Variants in KCNN2 observed in about 807,000 individuals in gnomAD.
KCNN2 encodes the protein small conductance calcium-activated potassium channel protein 2.
A neutral mutation model predicts 55.5 loss-of-function variants in KCNN2; 24 were observed. The observed-to-expected ratio is 0.43, with a 90% CI of 0.31 to 0.61. The LOEUF is 0.61. Ranked by LOEUF, KCNN2 falls within the 20% of genes least tolerant of loss-of-function variation. The pLI is 0.08. For missense variants in KCNN2, 754 were observed against 853.6 expected, an observed-to-expected ratio of 0.88 and a Z score of 1.45; for synonymous variants, 431 against 336.1, an observed-to-expected ratio of 1.28 and a Z score of -3.09.
chr5:114,210,915 A>T (rs1409749867), intron 1 of KCNN2, among the ~76,000 whole-genome samples: 4 of 152,196 alleles, frequency 2.6e-5, no homozygotes, highest in Admixed American at 2.6e-4. Context: ...GTGTTACAGA[A>T]CAGACACTTT....
At chr5:114,312,462 T>C (rs1266497936) in intron 2 of KCNN2, among the ~76,000 whole-genome samples, 58 of 112,640 alleles carry the variant, frequency 5.1e-4, no homozygotes, top group African/African-American at 1.9e-3. Context: ...TATATATATA[T>C]ATATATATAT....
chr5:114,070,927 C>A (rs1750555478), intron 1 of KCNN2, among the ~76,000 whole-genome samples: 1 of 152,112 alleles, frequency 6.6e-6, no homozygotes. Context: ...TCACTTACTT[C>A]TTCACAATTT....
intron 3 of KCNN2, among the ~76,000 whole-genome samples, chr5:114,418,229 G>A (rs1283765382): frequency 6.6e-6 from 1 of 152,190 alleles, no homozygotes; most frequent in Non-Finnish European, 1.5e-5. Flanking sequence ...GTTAACAAAG[G>A]TTAATAAGGA....
At position 114,158,187 on chromosome 5, in the gene KCNN2, G is replaced by A. The variant is rs551298936; in HGVS notation, c.-270-63293G>A. 3.6e-3 allele frequency among the ~76,000 whole-genome samples: 545 copies of A among 151,902 alleles called. 1 individual carries two copies. The highest frequency in any genetic ancestry group is 0.01 in the Middle Eastern group (3 of 292). ...TCTTGAATTAATTTTTGTATAAGGT[G>A]TAAGGAAGGGATCCAGTTTCAGCTT... On this transcript the variant is annotated intron_variant, in intron 1 of 10. Coordinates refer to the KCNN2 transcript ENST00000512097.
At chr5:114,088,314 A>G (rs1580500558) in intron 1 of KCNN2, among the ~76,000 whole-genome samples, 1 of 151,230 alleles carries the variant, frequency 6.6e-6, no homozygotes, top group Admixed American at 6.6e-5. Context: ...TTCATCATTT[A>G]TTCTCAAAAA....
chr5:114,493,071 A>G (rs544227356), intron 6 of KCNN2, among the ~76,000 whole-genome samples: 3 of 152,230 alleles, frequency 2.0e-5, no homozygotes, highest in East Asian at 1.9e-4. Flanking sequence ...TCCTATGTCT[A>G]TGTGTCATGA....
At chr5:114,162,095 C>T (rs1038912333) in intron 1 of KCNN2, among the ~76,000 whole-genome samples, 75 of 152,248 alleles carry the variant, frequency 4.9e-4, no homozygotes, top group African/African-American at 3.9e-4. Context: ...TTAGAGTTTC[C>T]GGTTTTTCTG....
intron 1 of KCNN2, among the ~76,000 whole-genome samples, chr5:114,089,578 G>A (rs1751093470): frequency 6.6e-6 from 1 of 152,174 alleles, no homozygotes; most frequent in Non-Finnish European, 1.5e-5. Context: ...TTTATAGAAT[G>A]CTTTTCTTGT....
At chr5:114,201,589 C>G (rs1333887493) in intron 1 of KCNN2, among the ~76,000 whole-genome samples, 1 of 152,128 alleles carries the variant, frequency 6.6e-6, no homozygotes, top group African/African-American at 2.4e-5. Flanking sequence ...CCCTGTCCCT[C>G]CTTGACCAAG....
intron 2 of KCNN2, among the ~76,000 whole-genome samples, chr5:114,319,387 C>A (rs1474184456): frequency 6.6e-6 from 1 of 152,108 alleles, no homozygotes; most frequent in Admixed American, 6.5e-5. Context: ...CAGTTCATAC[C>A]CAGCCTTTGG....
At chr5:114,317,049 T>C (rs1461719332) in intron 2 of KCNN2, among the ~76,000 whole-genome samples, 1 of 152,226 alleles carries the variant, frequency 6.6e-6, no homozygotes, top group African/African-American at 2.4e-5. Context: ...CTTGCAGCTT[T>C]TTCCCAGATT....
intron 2 of KCNN2, among the ~76,000 whole-genome samples, chr5:114,260,363 T>A (rs1215469159): frequency 1.3e-5 from 2 of 152,216 alleles, no homozygotes; most frequent in Non-Finnish European, 2.9e-5. Flanking sequence ...GCTCTATACC[T>A]CAGCCTCATT....
intron 3 of KCNN2, among the ~76,000 whole-genome samples, chr5:114,418,850 C>T (rs1204177297): frequency 6.6e-6 from 1 of 152,128 alleles, no homozygotes; most frequent in Non-Finnish European, 1.5e-5. Context: ...ATGCTGCTCA[C>T]TAAGGTCTGC....
chr5:114,169,121 T>C (rs1752978986), intron 1 of KCNN2, among the ~76,000 whole-genome samples: 1 of 152,138 alleles, frequency 6.6e-6, no homozygotes, highest in Non-Finnish European at 1.5e-5. Context: ...GATTTTAAGT[T>C]TCCTGAGGCC....
rs191320703 is a variant in KCNN2, at chr5:114,176,097, C to A, written c.-270-45383C>A. On this transcript the variant is annotated intron_variant, in intron 1 of 10. Transcript: ENST00000512097. Reference sequence around the variant, plus strand: ...GTAGACCAGTGTTTCTTGACCTCAGCACTGATGACATTTTCAGCTGGATAA... The same window carrying A: ...GTAGACCAGTGTTTCTTGACCTCAGAACTGATGACATTTTCAGCTGGATAA... Among the ~76,000 whole-genome samples, 9 of 152,316 alleles carry A rather than the reference C, an allele frequency of 5.9e-5. 1 individual carries two copies. Among genetic ancestry groups the A allele is most frequent in the Admixed American group, 3.3e-4 (5 of 15,290 alleles).
At chr5:114,392,834 C>G (rs1465733968) in intron 2 of KCNN2, among the ~76,000 whole-genome samples, 1 of 148,848 alleles carries the variant, frequency 6.7e-6, no homozygotes, top group African/African-American at 2.5e-5. Flanking sequence ...CACTTTGTTA[C>G]ATCCAAATGC....
intron 3 of KCNN2, among the ~76,000 whole-genome samples, chr5:114,435,872 G>A (rs901288342): frequency 6.6e-5 from 10 of 152,082 alleles, no homozygotes; most frequent in African/African-American, 2.4e-4. Flanking sequence ...CTTCAAGAAG[G>A]CACAATTCCT....
At chr5:114,231,459 G>C (rs942424485) in intron 2 of KCNN2, among the ~76,000 whole-genome samples, 5 of 148,892 alleles carry the variant, frequency 3.4e-5, no homozygotes, top group Non-Finnish European at 7.4e-5. Context: ...ATTGATTTTT[G>C]TATAAGGTGT....
chr5:114,136,602 C>T (rs1002517375), intron 1 of KCNN2, among the ~76,000 whole-genome samples: 1 of 152,168 alleles, frequency 6.6e-6, no homozygotes, highest in Admixed American at 6.5e-5. Context: ...TCTTCATAAG[C>T]CTTTTAGAAT....
Sources: allele counts gnomAD v4.1 joint callset (sites outside exome capture counted in the v4.1 genomes callset), GRCh38; gene constraint gnomAD v4.1.1; transcripts MANE v1.5; gene names NCBI Gene and HGNC (gene_info 2026-07-23, HGNC 2026-07-21).